PKHD1: variants seen among roughly 807,000 people sequenced by gnomAD.
The protein encoded by PKHD1 is PKHD1 ciliary IPT domain containing fibrocystin/polyductin, also known as fibrocystin.
PKHD1 carries 291 observed loss-of-function variants against 412.0 expected under a neutral mutation model. That is an observed-to-expected ratio of 0.71 (90% CI 0.64 to 0.78). PKHD1 has a LOEUF of 0.78. Ranked by LOEUF, PKHD1 falls within the 30% of genes least tolerant of loss-of-function variation. The pLI, the probability that PKHD1 is intolerant of heterozygous loss-of-function variation, is 0.00. For synonymous variants in PKHD1, 1,777 were observed against 1,821.5 expected, an observed-to-expected ratio of 0.98 and a Z score of 0.62; for missense variants, 4,825 against 4,950.7, an observed-to-expected ratio of 0.97 and a Z score of 0.76.
intron 28 of PKHD1, among the ~76,000 whole-genome samples, chr6:52,034,164 A>G (rs1391920260): frequency 7.5e-6 from 1 of 133,818 alleles, no homozygotes; most frequent in Non-Finnish European, 1.6e-5. Context: ...AGAAAATAAA[A>G]TAGGAACTCT....
At chr6:51,887,704 CCCTGAGA>C (rs746137018) in intron 43 of PKHD1, among the ~76,000 whole-genome samples, 2 of 152,108 alleles carry the variant, frequency 1.3e-5, no homozygotes, top group Non-Finnish European at 2.9e-5. Context: ...AGTAAAGGCT[CCCTGAGA>C]CCTGAGACCT....
rs147584295 is a variant in PKHD1, at chr6:52,025,772, G to A, written c.4038C>T (p.Asn1346=). The A allele has an allele frequency of 6.6e-5, 107 of 1,614,180 alleles. No homozygotes were observed. The African/African-American group carries it at 9.6e-4, about 14-fold the overall frequency. The part of the protein sequence containing the change: ...CDVETQSFQG[N]VSLSGCSIPL... Reference sequence around the variant, plus strand: ...GGATGGAGCATCCAGACAGGCTCACGTTGCCCTGGAAGGACTGTGTCTCAA... The same window carrying A: ...GGATGGAGCATCCAGACAGGCTCACATTGCCCTGGAAGGACTGTGTCTCAA... Residue 1346 remains asparagine (N), a synonymous_variant, in exon 32 of 67, where the codon AAC becomes AAT. Transcript: ENST00000371117.
chr6:51,642,713 A>T (rs2150344390), intron 63 of PKHD1, among the ~76,000 whole-genome samples: 1 of 152,156 alleles, frequency 6.6e-6, no homozygotes, highest in East Asian at 1.9e-4. Context: ...GGTGGTGGGC[A>T]CCTGTAATCC....
chr6:51,639,259 A>T (rs189070491), intron 63 of PKHD1, among the ~76,000 whole-genome samples: 15 of 152,312 alleles, frequency 9.8e-5, no homozygotes, highest in Admixed American at 8.5e-4. Flanking sequence ...GCAATTAGGA[A>T]ATAGGCTCAT....
At chr6:51,727,311 A>C (rs1413124064) in intron 60 of PKHD1, among the ~76,000 whole-genome samples, 5 of 152,218 alleles carry the variant, frequency 3.3e-5, no homozygotes, top group African/African-American at 1.2e-4. Context: ...GTGGGTCCGC[A>C]GCAACCTCAA....
At chr6:52,065,168 T>TAGAGAG (rs70977326) in intron 12 of PKHD1, 118 bp from the exon 13 acceptor site, 964 of 31,640 alleles carry the variant, frequency 0.03, 80 homozygotes, top group Middle Eastern at 0.042. Context: ...TATATATATA[T>TAGAGAG]AGAGAGAGAG....
chr6:51,843,260 CA>C (rs761924583), intron 50 of PKHD1, among the ~76,000 whole-genome samples: 59 of 152,192 alleles, frequency 3.9e-4, no homozygotes, highest in Non-Finnish European at 7.5e-4. Context: ...CTTAATTAAG[CA>C]ATAAATAGAG....
At chr6:51,983,535 G>C (rs1795842046) in intron 35 of PKHD1, among the ~76,000 whole-genome samples, 2 of 152,146 alleles carry the variant, frequency 1.3e-5, no homozygotes, top group African/African-American at 4.8e-5. Context: ...TCCCAAGAGG[G>C]GGCAGATAAA....
At chr6:51,980,336 G>A (rs1282052148) in intron 35 of PKHD1, among the ~76,000 whole-genome samples, 1 of 152,116 alleles carries the variant, frequency 6.6e-6, no homozygotes, top group African/African-American at 2.4e-5. Context: ...CAGTAGACCT[G>A]CTTCAATAAA....
Position 52,017,665 on chromosome 6 carries a change from G to A in PKHD1, c.5381-36C>T. 3 of 1,532,658 alleles carry A rather than the reference G, an allele frequency of 2.0e-6. No homozygotes were observed. The Admixed American group carries it at 5.0e-5, about 26-fold the overall frequency. 94.9% of individuals were successfully genotyped at this position (1,532,658 alleles called of 1,614,324 possible). ...CAGTCACCATTAGGAAAGAACCACA[G>A]AGAGAACCTAAGGCCTCTAGTCGGT... On this transcript the variant is annotated intron_variant, in intron 33 of 66. Transcript: ENST00000371117.
At chr6:51,912,212 A>G (rs1454063797) in intron 38 of PKHD1, among the ~76,000 whole-genome samples, 154 bp downstream of exon 38, 1 of 152,094 alleles carries the variant, frequency 6.6e-6, no homozygotes, top group African/African-American at 2.4e-5. Flanking sequence ...TCTTCAAAAC[A>G]TTTCATGCTT....
chr6:51,987,063 A>G (rs1796306598), intron 35 of PKHD1, among the ~76,000 whole-genome samples: 1 of 152,202 alleles, frequency 6.6e-6, no homozygotes, highest in African/African-American at 2.4e-5. Flanking sequence ...GCCGATTGTG[A>G]CTACTATTAG....
At chr6:51,632,394 A>T (rs572762803) in intron 65 of PKHD1, among the ~76,000 whole-genome samples, 171 bp downstream of exon 65, 3 of 152,154 alleles carry the variant, frequency 2.0e-5, no homozygotes, top group Non-Finnish European at 2.9e-5. Flanking sequence ...AAGATTAGGC[A>T]ATCCTTGTCT....
At position 51,619,483 on chromosome 6, in the gene PKHD1, C is replaced by T; in HGVS notation, c.11823G>A (p.Gln3941=). ...CTCCATTCATCAACTGGTGGGGGCACTGGTTCACCTTGCCCAGCATGACCT... is the reference window on the plus strand; with the variant it reads ...CTCCATTCATCAACTGGTGGGGGCATTGGTTCACCTTGCCCAGCATGACCT... The part of the protein sequence containing the change: ...RMKVMLGKVN[Q]CPHQLMNGVS... The change falls in exon 67 of 67, where the codon CAG becomes CAA. Residue 3941 remains glutamine, a synonymous_variant. Transcript: ENST00000371117. The T allele has an allele frequency of 6.2e-7, 1 of 1,614,106 alleles. No individual in the cohort carries two copies. The highest frequency in any genetic ancestry group is 8.5e-7 in the Non-Finnish European group (1 of 1,179,946).
intron 60 of PKHD1, among the ~76,000 whole-genome samples, chr6:51,672,711 A>C (rs1775202623): frequency 6.6e-6 from 1 of 152,256 alleles, no homozygotes; most frequent in African/African-American, 2.4e-5. Flanking sequence ...ACTGATGATA[A>C]GAAAGCATAG....
intron 60 of PKHD1, among the ~76,000 whole-genome samples, chr6:51,703,385 T>G (rs1237399349): frequency 6.6e-6 from 1 of 152,002 alleles, no homozygotes; most frequent in Non-Finnish European, 1.5e-5. Context: ...TATATTTTTT[T>G]TACTAAGTCT....
chr6:51,626,336 C>T (rs1165612659), intron 66 of PKHD1, among the ~76,000 whole-genome samples: 1 of 152,168 alleles, frequency 6.6e-6, no homozygotes, highest in Non-Finnish European at 1.5e-5. Context: ...ATGTATCATA[C>T]CCATACTTGG....
intron 40 of PKHD1, among the ~76,000 whole-genome samples, chr6:51,908,221 T>C (rs1049185119): frequency 6.6e-6 from 1 of 152,110 alleles, no homozygotes; most frequent in Non-Finnish European, 1.5e-5. Context: ...TTAGAAGAAA[T>C]AGACGTCCTT....
chr6:51,671,042 C>T (rs1360728611), intron 60 of PKHD1, among the ~76,000 whole-genome samples: 1 of 151,960 alleles, frequency 6.6e-6, no homozygotes, highest in African/African-American at 2.4e-5. Context: ...TTTCTCTTCT[C>T]GAGGAGTATC....
Sources: allele counts gnomAD v4.1 joint callset (sites outside exome capture counted in the v4.1 genomes callset), GRCh38; gene constraint gnomAD v4.1.1; transcripts MANE v1.5; gene names NCBI Gene and HGNC (gene_info 2026-07-23, HGNC 2026-07-21).